Variants in POR observed in about 807,000 individuals in gnomAD.
The protein encoded by POR is cytochrome p450 oxidoreductase.
In POR, 56 loss-of-function variants were observed where a neutral mutation model predicts 84.0. The observed-to-expected ratio is 0.67, with a 90% CI of 0.54 to 0.83. POR has a LOEUF of 0.83. Ranked by LOEUF, POR falls within the 40% of genes least tolerant of loss-of-function variation. The pLI, the probability that POR is intolerant of heterozygous loss-of-function variation, is 0.00. For missense variants in POR, 938 were observed against 944.3 expected (o/e 0.99, Z 0.09); for synonymous variants, 414 against 400.5 (o/e 1.03, Z -0.40).
At chr7:75,938,355 C>T (rs1807799360) in intron 1 of POR, among the ~76,000 whole-genome samples, 1 of 152,186 alleles carries the variant, frequency 6.6e-6, no homozygotes, top group African/African-American at 2.4e-5. Context: ...TAGCAGCATT[C>T]TGATCACAGC....
chr7:75,952,281 G>T (rs1412460941), intron 1 of POR, among the ~76,000 whole-genome samples: 1 of 139,350 alleles, frequency 7.2e-6, no homozygotes, highest in African/African-American at 2.7e-5. Context: ...CTGGCCGGGC[G>T]GGGGGCTGAC....
At chr7:75,933,680 C>A (rs781886229) in intron 1 of POR, among the ~76,000 whole-genome samples, 1 of 152,132 alleles carries the variant, frequency 6.6e-6, no homozygotes, top group Admixed American at 6.6e-5. Flanking sequence ...CGTGAGCCAC[C>A]GCACCCAGCC....
At chr7:75,977,460 TC>T (rs1788747109) in intron 3 of POR, among the ~76,000 whole-genome samples, 1 of 152,150 alleles carries the variant, frequency 6.6e-6, no homozygotes, top group Admixed American at 6.6e-5. Flanking sequence ...GAACTTGCAG[TC>T]TGGCTACCAA....
Position 75,979,474 on chromosome 7 carries a change from C to T in POR, c.261C>T (p.Tyr87=), listed in dbSNP as rs372424311. Residue 87 remains tyrosine (Y), a synonymous_variant, in exon 4 of 16, where the codon TAC becomes TAT. Transcript: ENST00000461988. ...AGGGGAGGAACATCATCGTGTTCTA[C>T]GGCTCCCAGACGGGGACTGCAGAGG... The T allele has an allele frequency of 1.2e-5, 20 of 1,613,152 alleles. No homozygotes were observed. Among genetic ancestry groups the T allele is most frequent in the African/African-American group, 8.0e-5 (6 of 74,924 alleles).
In POR at chr7:75,917,141, C is replaced by A. The variant is rs188245651; in HGVS notation, c.-5+1962C>A. Among the ~76,000 whole-genome samples, 213 of 151,588 alleles carry A rather than the reference C, an allele frequency of 1.4e-3. 1 individual carries two copies. Among genetic ancestry groups the A allele is most frequent in the Non-Finnish European group, 2.1e-3 (142 of 67,906 alleles). ...GGAGTGCAGTGGCGCAATCATAGCT[C>A]ACTGCAGCCTCAACCTCCAGGATTC... On this transcript the variant is annotated intron_variant, in intron 1 of 15. Coordinates refer to ENST00000461988, the MANE Select transcript of POR (RefSeq NM_000941.3).
At chr7:75,964,527 C>T (rs1459085261) in intron 2 of POR, among the ~76,000 whole-genome samples, 1 of 151,644 alleles carries the variant, frequency 6.6e-6, no homozygotes, top group Admixed American at 6.6e-5. Flanking sequence ...AGGCTGATCT[C>T]GAACTGCTGA....
At chr7:75,929,101 C>T (rs782416150) in intron 1 of POR, among the ~76,000 whole-genome samples, 13 of 152,076 alleles carry the variant, frequency 8.5e-5, no homozygotes, top group African/African-American at 2.7e-4. Context: ...TTATAGACAC[C>T]GCATGACCGT....
At chr7:75,936,902 C>A (rs1332118106) in intron 1 of POR, among the ~76,000 whole-genome samples, 2 of 148,854 alleles carry the variant, frequency 1.3e-5, no homozygotes, top group Non-Finnish European at 3.0e-5. Context: ...TCTTGGCTCA[C>A]TGCAAACTCC....
chr7:75,920,465 T>TG (rs1262706196), intron 1 of POR, among the ~76,000 whole-genome samples: 1 of 152,164 alleles, frequency 6.6e-6, no homozygotes, highest in Non-Finnish European at 1.5e-5. Context: ...AGGAGGAAGA[T>TG]GGGGCATTGT....
intron 2 of POR, among the ~76,000 whole-genome samples, chr7:75,970,735 C>T (rs1476412711): frequency 1.3e-5 from 2 of 149,308 alleles, no homozygotes; most frequent in Non-Finnish European, 3.0e-5. Context: ...GGCGACAAAG[C>T]GAGACTCCAT....
At position 75,920,840 on chromosome 7, in the gene POR, A is replaced by G. The variant is rs191239721; in HGVS notation, c.-5+5661A>G. 2.4e-4 allele frequency among the ~76,000 whole-genome samples: 36 copies of G among 152,224 alleles called. 1 individual carries two copies. The South Asian group carries it at 5.4e-3, about 23-fold the overall frequency. ...TGAGTTTTCAACACTGCAAACAGGG[A>G]TGGCAGTTCTTGAATACACAGGAGA... On this transcript the variant is annotated intron_variant, in intron 1 of 15. Coordinates refer to ENST00000461988, the MANE Select transcript of POR (RefSeq NM_000941.3).
At chr7:75,927,464 A>C (rs116498596) in intron 1 of POR, among the ~76,000 whole-genome samples, 5,211 of 152,062 alleles carry the variant, frequency 0.034, 109 homozygotes, top group Middle Eastern at 0.051. Flanking sequence ...CTCAAAAAAA[A>C]AACAACAACA....
At chr7:75,960,147 C>A (rs1463200543) in intron 2 of POR, among the ~76,000 whole-genome samples, 8 of 151,878 alleles carry the variant, frequency 5.3e-5, no homozygotes, top group African/African-American at 1.9e-4. Flanking sequence ...AAAAATTAGC[C>A]AGGCACGGTA....
rs146979992 is a variant in POR, at chr7:75,976,819, AG to A, written c.238-2631del. Among the ~76,000 whole-genome samples, 820 of 152,254 alleles carry A rather than the reference AG, an allele frequency of 5.4e-3. 7 individuals are homozygous for A. Among genetic ancestry groups the A allele is most frequent in the African/African-American group, 0.019 (801 of 41,570 alleles). ...AAATTCAGGAACTTTAAAAAGTATA[AG>A]AACATTTATTGTAATCCCTAAGTTT... On this transcript the variant is annotated intron_variant, in intron 3 of 15. Transcript: ENST00000461988.
Position 75,985,522 on chromosome 7 carries a change from C to T in POR, c.1399-57C>T. ...CTGGCCTGCAGAACGGGACTTGGGG[C>T]CGGGGCTGGGCAAGGGCCTCGGTGT... On this transcript the variant is annotated intron_variant, in intron 12 of 15. Transcript: ENST00000461988. 3.4e-6 allele frequency: 5 copies of T among 1,459,814 alleles called. No individual in the cohort carries two copies. In the African/African-American group the frequency reaches 4.2e-5, roughly 12 times the overall value. 90.4% of individuals were successfully genotyped at this position (1,459,814 alleles called of 1,614,324 possible).
intron 1 of POR, among the ~76,000 whole-genome samples, chr7:75,953,146 G>A (rs1051651013): frequency 1.3e-5 from 2 of 152,046 alleles, no homozygotes; most frequent in Non-Finnish European, 2.9e-5. Context: ...GCGAAACCCC[G>A]TTTCCACCAA....
At chr7:75,940,844 G>A (rs1807944033) in intron 1 of POR, among the ~76,000 whole-genome samples, 1 of 151,972 alleles carries the variant, frequency 6.6e-6, no homozygotes, top group Non-Finnish European at 1.5e-5. Context: ...CCTGCCTCAA[G>A]AAAAGACAAA....
intron 3 of POR, among the ~76,000 whole-genome samples, chr7:75,973,525 C>T (rs1788534587): frequency 6.6e-6 from 1 of 151,976 alleles, no homozygotes; most frequent in Admixed American, 6.6e-5. Context: ...GCTATGTTGC[C>T]CAGGCTGGTC....
chr7:75,950,269 G>A (rs782335007), intron 1 of POR, among the ~76,000 whole-genome samples: 3 of 152,158 alleles, frequency 2.0e-5, no homozygotes, highest in Non-Finnish European at 4.4e-5. Flanking sequence ...CAGATGTACC[G>A]CTAACCTCAC....
Sources: gnomAD v4.1 joint callset for allele counts (sites outside exome capture counted in the v4.1 genomes callset) on GRCh38, gnomAD v4.1.1 for gene constraint, MANE v1.5 for transcripts, NCBI Gene and HGNC (gene_info 2026-07-23, HGNC 2026-07-21) for gene names.